ERN2: variants seen among roughly 807,000 people sequenced by gnomAD.
ERN2 encodes endoplasmic reticulum to nucleus signaling 2, also known as serine/threonine-protein kinase/endoribonuclease IRE2.
A neutral mutation model predicts 107.9 loss-of-function variants in ERN2; 111 were observed. That is an observed-to-expected ratio of 1.03 (90% CI 0.88 to 1.20). The LOEUF (loss-of-function observed/expected upper bound fraction) is 1.20. ERN2 is among the 50% of genes most tolerant of loss of function. The pLI is 0.00. For synonymous variants in ERN2, 524 were observed against 501.7 expected, an observed-to-expected ratio of 1.04 and a Z score of -0.59; for missense variants, 1,225 against 1,197.9, an observed-to-expected ratio of 1.02 and a Z score of -0.33.
At position 23,697,315 on chromosome 16, in the gene ERN2, GC is replaced by G. The variant is rs1320710571; in HGVS notation, c.1526-1338del. On this transcript the variant is annotated intron_variant, in intron 13 of 21. Transcript: ENST00000256797. ...ATACTCATCTGTCAGTAAGATGCAG[GC>G]AGTACCTTTGGTATACACTGGACTT... The G allele has an allele frequency of 1.1e-4, 17 of 152,266 alleles. No individual in the cohort carries two copies. In the East Asian group the frequency reaches 2.7e-3, roughly 24 times the overall value. 9.4% of individuals were successfully genotyped at this position (152,266 alleles called of 1,614,324 possible).
intron 4 of ERN2, among the ~76,000 whole-genome samples, chr16:23,708,778 T>A (rs940449431): frequency 1.3e-5 from 2 of 152,208 alleles, no homozygotes; most frequent in Non-Finnish European, 2.9e-5. Flanking sequence ...TTCCCCTTCA[T>A]GCCTTCTGCC....
chr16:23,710,271 C>A (rs755239425), intron 3 of ERN2, 27 bp from the exon 4 acceptor site: 1 of 1,591,492 alleles, frequency 6.3e-7, no homozygotes, highest in South Asian at 1.1e-5. Context: ...AACAAGGAGA[C>A]CAATGGGTTC....
chr16:23,711,130 A>G (rs978356085), intron 1 of ERN2, 112 bp from the exon 2 acceptor site: 1 of 669,002 alleles, frequency 1.5e-6, no homozygotes, highest in Non-Finnish European at 2.7e-6. Context: ...GGGATGCAGC[A>G]GGGGAGGAAG....
At chr16:23,699,858 T>G (rs1248989808) in intron 13 of ERN2, among the ~76,000 whole-genome samples, 1 of 152,224 alleles carries the variant, frequency 6.6e-6, no homozygotes, top group Non-Finnish European at 1.5e-5. Flanking sequence ...AATATTAATA[T>G]TACCTAAGTA....
At position 23,702,243 on chromosome 16, in the gene ERN2, G is replaced by A. The variant is rs1171002151; in HGVS notation, c.1112C>T (p.Thr371Ile). Residue 371 changes from threonine (T) to isoleucine (I), a missense_variant, in exon 11 of 22, where the codon ACC (threonine) becomes ATC (isoleucine). Transcript: ENST00000256797. Reference protein sequence around the residue: ...GHHELPPVLHTTMLRVHPTLG... With the variant: ...GHHELPPVLHITMLRVHPTLG... ...GGTGGGATGGACCCTCAGCATGGTG[G>A]TGTGCAGGACTGGGGGTAGCTCGTG... 1.2e-6 allele frequency: 2 copies of A among 1,614,072 alleles called. No individual in the cohort carries two copies. Among genetic ancestry groups the A allele is most frequent in the African/African-American group, 1.3e-5 (1 of 74,936 alleles).
chr16:23,690,922 A>T lies in ERN2; in HGVS notation c.2690T>A (p.Met897Lys). ...GAGGCTCTCAGAGGCGCAGCTCCTCATGGCTCGGTGCGTGTGGAGGAGCAG... is the reference window on the plus strand; with the variant it reads ...GAGGCTCTCAGAGGCGCAGCTCCTCTTGGCTCGGTGCGTGTGGAGGAGCAG... ...PRLLLHTHRA[M>K]RSCASESLFL... Residue 897 changes from methionine to lysine, a missense_variant, in exon 22 of 22, where the codon ATG becomes AAG. Physicochemically the swap from Met to Lys is moderately conservative, Grantham distance 95. Coordinates refer to ENST00000256797, the MANE Select transcript of ERN2 (RefSeq NM_033266.4). The T allele has an allele frequency of 6.2e-6, 10 of 1,613,960 alleles. No individual in the cohort carries two copies. Among genetic ancestry groups the T allele is most frequent in the Non-Finnish European group, 8.5e-6 (10 of 1,180,002 alleles).
intron 13 of ERN2, chr16:23,696,753 GC>G (rs1157951337): frequency 6.6e-6 from 1 of 152,218 alleles, no homozygotes; most frequent in Non-Finnish European, 1.5e-5. Context: ...GTCCTGCTCA[GC>G]TCCAACGGGC....
In ERN2 at chr16:23,694,796, A is replaced by G; in HGVS notation, c.2032T>C (p.Ser678Pro). The change falls in exon 17 of 22, where the codon TCC becomes CCC. Residue 678 changes from serine to proline, a missense_variant. Physicochemically the swap from Ser to Pro is moderately conservative, Grantham distance 74. Coordinates refer to ENST00000256797, the MANE Select transcript of ERN2 (RefSeq NM_033266.4). The part of the protein sequence containing the change: ...PAGRCSFSLH[S>P]GIPGTEGWMA... ...CAGCCTTCCGTGCCGGGGATGCCGG[A>G]GTGGAGGCTGAAGCTACAGCGGCCA... 6.2e-7 allele frequency: 1 copy of G among 1,613,552 alleles called. No individual in the cohort carries two copies. The highest frequency in any genetic ancestry group is 8.5e-7 in the Non-Finnish European group (1 of 1,179,866).
intron 4 of ERN2, 66 bp downstream of exon 4, chr16:23,710,106 C>T (rs1341587047): frequency 9.2e-7 from 1 of 1,091,836 alleles, no homozygotes; most frequent in Non-Finnish European, 1.4e-6. Flanking sequence ...GCCTCTCCAC[C>T]TCTCAGTGCT....
At chr16:23,696,063 T>C in intron 13 of ERN2, 85 bp from the exon 14 acceptor site, 1 of 983,250 alleles carries the variant, frequency 1.0e-6, no homozygotes, top group Non-Finnish European at 1.6e-6. Flanking sequence ...CTTGACATTT[T>C]CTGGGCCTCC....
At position 23,709,648 on chromosome 16, in the gene ERN2, A is replaced by G. The variant is rs1321717828; in HGVS notation, c.306+524T>C. 10 of 181,368 alleles carry G rather than the reference A, an allele frequency of 5.5e-5. No homozygotes were observed. The South Asian group carries it at 1.2e-3, about 21-fold the overall frequency. 11.2% of individuals were successfully genotyped at this position (181,368 alleles called of 1,614,324 possible). On this transcript the variant is annotated intron_variant, in intron 4 of 21. Coordinates refer to ENST00000256797, the MANE Select transcript of ERN2 (RefSeq NM_033266.4). ...TAGGCTTGCCTGCTAGGGATAAGAG[A>G]CATATGGCCCAGCCACCTCTGCCAA...
chr16:23,695,093 C>T lies in ERN2; in HGVS notation c.1826G>A (p.Arg609His), dbSNP rs746824456. The T allele has an allele frequency of 3.3e-5, 53 of 1,613,942 alleles. No individual in the cohort carries two copies. Among genetic ancestry groups the T allele is most frequent in the Admixed American group, 1.2e-4 (7 of 59,980 alleles). ...QEYVENPDLD[R>H]GGLEPEVVLQ... ...CACGACCTCGGGCTCCAGACCCCCG[C>T]GATCCAGGTCCGGGTTTTCTACGTA... Residue 609 changes from arginine (R) to histidine (H), a missense_variant, in exon 16 of 22, where the codon CGC (arginine) becomes CAC (histidine). Physicochemically the swap from Arg to His is conservative, Grantham distance 29. Coordinates refer to ENST00000256797, the MANE Select transcript of ERN2 (RefSeq NM_033266.4).
intron 11 of ERN2, 33 bp from the exon 12 acceptor site, chr16:23,701,147 C>A: frequency 6.3e-7 from 1 of 1,599,794 alleles, no homozygotes; most frequent in South Asian, 1.1e-5. Flanking sequence ...TTTTAGCACC[C>A]CCTTCCACCA....
intron 11 of ERN2, 109 bp downstream of exon 11, chr16:23,702,043 G>T: frequency 8.5e-7 from 1 of 1,177,806 alleles, no homozygotes; most frequent in South Asian, 1.5e-5. Flanking sequence ...GAGGTCAATT[G>T]ACCCACCCCC....
At chr16:23,702,103 C>G (rs776124824) in intron 11 of ERN2, 49 bp downstream of exon 11, 2 of 1,575,424 alleles carry the variant, frequency 1.3e-6, no homozygotes, top group Non-Finnish European at 1.7e-6. Context: ...CTATTCCCCC[C>G]ATCTGCTGGG....
At chr16:23,693,397 G>T (rs1320223978) in intron 17 of ERN2, among the ~76,000 whole-genome samples, 1 of 151,856 alleles carries the variant, frequency 6.6e-6, no homozygotes, top group Non-Finnish European at 1.5e-5. Context: ...AGACCAGCCT[G>T]GCCAACATGG....
In ERN2 at chr16:23,695,968, G is replaced by T. The variant is rs1404573568; in HGVS notation, c.1536C>A (p.Leu512=). The part of the protein sequence containing the change: ...QPLDDPEAEQ[L]TVVGKISFNP... Reference sequence around the variant, plus strand: ...TGAAGGAAATCTTCCCCACTACGGTGAGTTGCTCAGCTGGGGGAGAGGAGG... The same window carrying T: ...TGAAGGAAATCTTCCCCACTACGGTTAGTTGCTCAGCTGGGGGAGAGGAGG... Residue 512 remains leucine, a synonymous_variant, in exon 14 of 22, where the codon CTC becomes CTA. Transcript: ENST00000256797. 6.2e-7 allele frequency: 1 copy of T among 1,614,026 alleles called. No individual in the cohort carries two copies. The highest frequency in any genetic ancestry group is 1.1e-5 in the South Asian group (1 of 91,070).
Position 23,710,908 on chromosome 16 carries a change from C to T in ERN2, c.199+5G>A. ...AGGAGGGAGGAGGGACCACCTCTTG[C>T]TCACCATCCCTCAGAGTCCACTTCA... is the stretch of plus-strand genomic sequence containing the variant. On this transcript the variant is annotated splice_donor_5th_base_variant and intron_variant, in intron 2 of 21. Coordinates refer to ENST00000256797, the MANE Select transcript of ERN2 (RefSeq NM_033266.4). The T allele has an allele frequency of 6.2e-7, 1 of 1,605,278 alleles. No homozygotes were observed. Among genetic ancestry groups the T allele is most frequent in the South Asian group, 1.1e-5 (1 of 90,892 alleles).
In ERN2 at chr16:23,705,285, A is replaced by G. The variant is rs1960258775; in HGVS notation, c.590-138T>C. 5 of 961,066 alleles carry G rather than the reference A, an allele frequency of 5.2e-6. 1 individual carries two copies. The South Asian group carries it at 8.5e-5, about 16-fold the overall frequency. 59.5% of individuals were successfully genotyped at this position (961,066 alleles called of 1,614,324 possible). On this transcript the variant is annotated intron_variant, in intron 7 of 21. Coordinates refer to ENST00000256797, the MANE Select transcript of ERN2 (RefSeq NM_033266.4). ...ATCTGGACATGAGAATGTTTGTTGG[A>G]GTTCATGGAGTCACTTTGAAAACGA...
Sources: gnomAD v4.1 joint callset for allele counts (sites outside exome capture counted in the v4.1 genomes callset) on GRCh38, gnomAD v4.1.1 for gene constraint, MANE v1.5 for transcripts, NCBI Gene and HGNC (gene_info 2026-07-23, HGNC 2026-07-21) for gene names.